GLRA3: variants seen among roughly 807,000 people sequenced by gnomAD.
The protein encoded by GLRA3 is glycine receptor subunit alpha-3.
In GLRA3, 44 loss-of-function variants were observed where a neutral mutation model predicts 60.4. The ratio of observed to expected loss-of-function variants is 0.73; its 90% confidence interval spans 0.57 to 0.94. The LOEUF is 0.94. GLRA3 is among the 40% of genes least tolerant of loss of function. The probability of loss-of-function intolerance (pLI) is 0.00; values close to 1 mark genes in which losing one functional copy is unlikely to be tolerated. For missense variants in GLRA3, 508 were observed against 564.6 expected, an observed-to-expected ratio of 0.90 and a Z score of 1.02; for synonymous variants, 223 against 192.9, an observed-to-expected ratio of 1.16 and a Z score of -1.29.
intron 3 of GLRA3, among the ~76,000 whole-genome samples, chr4:174,733,653 A>G (rs1736649172): frequency 6.6e-6 from 1 of 152,164 alleles, no homozygotes. Context: ...AGGCAACCTT[A>G]AATAAACAGT....
intron 4 of GLRA3, chr4:174,722,521 G>C (rs889536556): frequency 2.0e-5 from 3 of 152,146 alleles, no homozygotes; most frequent in African/African-American, 7.2e-5. Flanking sequence ...GTCTAAGTCA[G>C]TTTTCAGAAG....
At chr4:174,721,114 C>T (rs1736114900) in intron 4 of GLRA3, among the ~76,000 whole-genome samples, 1 of 151,624 alleles carries the variant, frequency 6.6e-6, no homozygotes, top group Non-Finnish European at 1.5e-5. Context: ...CTGGAACCTC[C>T]ACCTCCCTGG....
chr4:174,729,921 T>C (rs1736487798), intron 3 of GLRA3, among the ~76,000 whole-genome samples: 1 of 152,170 alleles, frequency 6.6e-6, no homozygotes, highest in Non-Finnish European at 1.5e-5. Flanking sequence ...TCAGAACAGG[T>C]AGATTGCTTA....
intron 5 of GLRA3, among the ~76,000 whole-genome samples, chr4:174,715,063 T>C (rs1222859642): frequency 1.3e-5 from 2 of 152,228 alleles, no homozygotes; most frequent in African/African-American, 2.4e-5. Context: ...TGGAGCCGAA[T>C]ACTCAACCAT....
rs766648912 is a variant in GLRA3 at position 174,656,720 on chromosome 4, TA to T, written c.1116+22del. ...TTACTGATGACCACATTCCTCTATT[TA>T]GAGTTAAGAAAGTCAATTTACCATA... is the stretch of plus-strand genomic sequence containing the variant. On this transcript the variant is annotated intron_variant, in intron 9 of 9. Coordinates refer to ENST00000274093, the MANE Select transcript of GLRA3 (RefSeq NM_006529.4). 93 of 1,350,500 alleles carry T rather than the reference TA, an allele frequency of 6.9e-5. 1 individual carries two copies. In the African/African-American group the frequency reaches 1.2e-3, roughly 18 times the overall value. The allele number at this position is 1,350,500 out of a possible 1,614,324, so 83.7% of individuals were successfully genotyped here.
At chr4:174,710,666 T>C (rs10520290) in intron 5 of GLRA3, among the ~76,000 whole-genome samples, 26,669 of 152,122 alleles carry the variant, frequency 0.18, 2,545 homozygotes, top group East Asian at 0.33. Flanking sequence ...TGAGTTTCCT[T>C]TCCATAACTA....
rs539262392 is a variant in GLRA3, at chr4:174,688,477, C to T, written c.575-5538G>A. 5.3e-5 allele frequency among the ~76,000 whole-genome samples: 8 copies of T among 150,124 alleles called. No homozygotes were observed. In the East Asian group the frequency reaches 1.6e-3, roughly 30 times the overall value. On this transcript the variant is annotated intron_variant, in intron 5 of 9. Transcript: ENST00000274093. ...AAGCAGAGACTTATTCTGTTTTAGTCAGTGGCATATTTTCTATTACCTAAA... is the reference window on the plus strand; with the variant it reads ...AAGCAGAGACTTATTCTGTTTTAGTTAGTGGCATATTTTCTATTACCTAAA...
intron 2 of GLRA3, among the ~76,000 whole-genome samples, chr4:174,775,728 A>C (rs1561110506): frequency 6.6e-6 from 1 of 152,190 alleles, no homozygotes; most frequent in African/African-American, 2.4e-5. Flanking sequence ...CTTGCAATTC[A>C]ATTGTTTTAT....
intron 5 of GLRA3, among the ~76,000 whole-genome samples, chr4:174,693,709 G>A (rs1399829241): frequency 6.6e-6 from 1 of 152,046 alleles, no homozygotes; most frequent in Non-Finnish European, 1.5e-5. Flanking sequence ...TAATTTTATA[G>A]AAATAGCATT....
chr4:174,800,335 G>A (rs764290832), intron 1 of GLRA3, among the ~76,000 whole-genome samples: 30 of 152,028 alleles, frequency 2.0e-4, no homozygotes, highest in Non-Finnish European at 4.1e-4. Context: ...ACTACTTTCT[G>A]ATAATTAATT....
chr4:174,767,802 T>C (rs6553817), intron 2 of GLRA3, among the ~76,000 whole-genome samples: 114,070 of 151,848 alleles, frequency 0.75, 43,147 homozygotes, highest in East Asian at 1. Flanking sequence ...TGGGACTCTC[T>C]GAGGACTTCC....
chr4:174,729,663 T>C (rs10003441), intron 3 of GLRA3, among the ~76,000 whole-genome samples: 130,342 of 152,198 alleles, frequency 0.86, 55,830 homozygotes, highest in Middle Eastern at 0.89. Context: ...ATAAGTACCA[T>C]ATATGTCTTT....
At chr4:174,747,026 C>T (rs1439881933) in intron 3 of GLRA3, among the ~76,000 whole-genome samples, 2 of 152,160 alleles carry the variant, frequency 1.3e-5, no homozygotes, top group Non-Finnish European at 2.9e-5. Context: ...GTCTGTGTTA[C>T]ACTCAGAATT....
Position 174,728,462 on chromosome 4 carries a change from G to A in GLRA3, c.491+13C>T. ...TATTTCACTGAAATCGGCAATTTAAGTCCACGACTCACCTTATTGAATAAA... is the reference window on the plus strand; with the variant it reads ...TATTTCACTGAAATCGGCAATTTAAATCCACGACTCACCTTATTGAATAAA... On this transcript the variant is annotated intron_variant, in intron 4 of 9. Transcript: ENST00000274093. 1 of 1,406,168 alleles carries A rather than the reference G, an allele frequency of 7.1e-7. No individual in the cohort carries two copies. The highest frequency in any genetic ancestry group is 1.0e-6 in the Non-Finnish European group (1 of 995,666). 87.1% of individuals were successfully genotyped at this position (1,406,168 alleles called of 1,614,324 possible).
chr4:174,746,221 A>G (rs1737240335), intron 3 of GLRA3, among the ~76,000 whole-genome samples: 2 of 152,218 alleles, frequency 1.3e-5, no homozygotes, highest in African/African-American at 4.8e-5. Flanking sequence ...TATTCGCAGT[A>G]GCAAAGATAT....
chr4:174,657,710 T>C (rs1733264861), intron 8 of GLRA3, among the ~76,000 whole-genome samples: 1 of 151,924 alleles, frequency 6.6e-6, no homozygotes, highest in South Asian at 2.1e-4. Flanking sequence ...AAATGAGAAA[T>C]GTAACAGACC....
intron 1 of GLRA3, among the ~76,000 whole-genome samples, chr4:174,809,104 A>G (rs148233673): frequency 6.6e-6 from 1 of 152,326 alleles, no homozygotes; most frequent in Non-Finnish European, 1.5e-5. Context: ...TAAGTGCTCT[A>G]TACAGGCAAA....
rs534737480 is a variant in GLRA3, at chr4:174,663,694, C to T, written c.928-4497G>A. On this transcript the variant is annotated intron_variant, in intron 7 of 9. Coordinates refer to ENST00000274093, the MANE Select transcript of GLRA3 (RefSeq NM_006529.4). ...TCCGCCAAGTACAGCAAACACAGGA[C>T]GTGGGAAGTTTGGAACTTTGGGGCT... 3.9e-5 allele frequency among the ~76,000 whole-genome samples: 6 copies of T among 152,278 alleles called. No individual in the cohort carries two copies. In the South Asian group the frequency reaches 6.2e-4, roughly 16 times the overall value.
At chr4:174,728,324 A>T (rs1736398702) in intron 4 of GLRA3, 151 bp downstream of exon 4, 1 of 534,828 alleles carries the variant, frequency 1.9e-6, no homozygotes. Context: ...TATTGATCAG[A>T]CATATTTGGG....
Sources: gnomAD v4.1 joint callset for allele counts (sites outside exome capture counted in the v4.1 genomes callset) on GRCh38, gnomAD v4.1.1 for gene constraint, MANE v1.5 for transcripts, NCBI Gene and HGNC (gene_info 2026-07-23, HGNC 2026-07-21) for gene names.